Variants in PLXDC2 observed in about 807,000 individuals in gnomAD.
PLXDC2 encodes the protein plexin domain-containing protein 2.
PLXDC2 carries 40 observed loss-of-function variants against 68.9 expected under a neutral mutation model. The observed-to-expected ratio is 0.58, with a 90% CI of 0.45 to 0.76. The LOEUF (loss-of-function observed/expected upper bound fraction) is 0.76. PLXDC2 is among the 30% of genes least tolerant of loss of function. The pLI is 0.00. For missense variants in PLXDC2, 644 were observed against 661.9 expected, an observed-to-expected ratio of 0.97 and a Z score of 0.30; for synonymous variants, 243 against 234.2, an observed-to-expected ratio of 1.04 and a Z score of -0.34.
At chr10:20,064,935 G>T (rs1160998844) in intron 3 of PLXDC2, among the ~76,000 whole-genome samples, 1 of 151,708 alleles carries the variant, frequency 6.6e-6, no homozygotes, top group Non-Finnish European at 1.5e-5. Flanking sequence ...CTTTTGCTCA[G>T]TCCATGGGGA....
chr10:20,070,543 A>C (rs371100355), intron 4 of PLXDC2, among the ~76,000 whole-genome samples: 12 of 152,224 alleles, frequency 7.9e-5, no homozygotes, highest in African/African-American at 2.4e-4. Flanking sequence ...GTATAGTGCC[A>C]GGCATTTAAT....
intron 1 of PLXDC2, among the ~76,000 whole-genome samples, chr10:19,837,544 A>G (rs2131314934): frequency 6.6e-6 from 1 of 152,162 alleles, no homozygotes; most frequent in South Asian, 2.1e-4. Flanking sequence ...ATAATTTTAC[A>G]ATATTTATGG....
At chr10:20,211,249 AAATG>A (rs1039656975) in intron 9 of PLXDC2, among the ~76,000 whole-genome samples, 1 of 152,232 alleles carries the variant, frequency 6.6e-6, no homozygotes, top group Non-Finnish European at 1.5e-5. Flanking sequence ...TGAATGAGTA[AAATG>A]AATGAATGAA....
chr10:20,270,812 G>A (rs531695618), intron 13 of PLXDC2, among the ~76,000 whole-genome samples: 8 of 152,006 alleles, frequency 5.3e-5, no homozygotes, highest in Admixed American at 1.3e-4. Context: ...GTGAGCCATC[G>A]TGCCCTGCCG....
Position 19,977,660 on chromosome 10 carries a change from C to T in PLXDC2, c.113-24115C>T, listed in dbSNP as rs138613716. Among the ~76,000 whole-genome samples the T allele has an allele frequency of 5.0e-3, 753 of 152,114 alleles. 5 individuals carry two copies. The highest frequency in any genetic ancestry group is 0.016 in the African/African-American group (670 of 41,492). ...GCTGGGAAATTCGAGATCCAGGTGC[C>T]AGCAGATTTGATGTCTGGTGAGGAC... On this transcript the variant is annotated intron_variant, in intron 1 of 13. Transcript: ENST00000377252.
intron 3 of PLXDC2, among the ~76,000 whole-genome samples, chr10:20,047,709 T>C (rs781218696): frequency 6.6e-6 from 1 of 152,126 alleles, no homozygotes; most frequent in Non-Finnish European, 1.5e-5. Flanking sequence ...GCCTGAATGC[T>C]CAAATGCATT....
At chr10:19,843,935 T>A (rs2131320173) in intron 1 of PLXDC2, among the ~76,000 whole-genome samples, 1 of 152,306 alleles carries the variant, frequency 6.6e-6, no homozygotes, top group African/African-American at 2.4e-5. Context: ...ACTTGAAGTG[T>A]TCCCAATACA....
At chr10:20,110,272 C>G (rs754547874) in intron 4 of PLXDC2, among the ~76,000 whole-genome samples, 62 of 152,026 alleles carry the variant, frequency 4.1e-4, no homozygotes, top group Non-Finnish European at 1.0e-4. Flanking sequence ...GAATAGAAGG[C>G]CTGCCCTTGC....
At chr10:20,155,707 A>G (rs1367959282) in intron 6 of PLXDC2, among the ~76,000 whole-genome samples, 1 of 152,154 alleles carries the variant, frequency 6.6e-6, no homozygotes, top group Non-Finnish European at 1.5e-5. Context: ...TCTCACATAT[A>G]GAAGTGCCTG....
At chr10:20,036,701 A>G (rs1835584362) in intron 2 of PLXDC2, among the ~76,000 whole-genome samples, 1 of 152,142 alleles carries the variant, frequency 6.6e-6, no homozygotes, top group Non-Finnish European at 1.5e-5. Context: ...AAAAATGAAC[A>G]TGCATTTTAC....
rs571065870 is a variant in PLXDC2, at chr10:20,217,434, G to A, written c.1131G>A (p.Glu377=). ...TTCTTTTCTCTTACTAGTCAAAAGA[G>A]AAGATGTGTGAGAATACAGAACCAG... ...VDSGCPEESK[E]KMCENTEPVE... The change falls in exon 11 of 14, where the codon GAG becomes GAA. Residue 377 remains glutamate (E), a synonymous_variant. Transcript: ENST00000377252. 1.9e-6 allele frequency: 3 copies of A among 1,609,012 alleles called. No individual in the cohort carries two copies. Among genetic ancestry groups the A allele is most frequent in the African/African-American group, 1.3e-5 (1 of 74,694 alleles).
At chr10:20,233,253 C>T (rs571148175) in intron 12 of PLXDC2, among the ~76,000 whole-genome samples, 26 of 151,914 alleles carry the variant, frequency 1.7e-4, no homozygotes, top group South Asian at 4.2e-4. Context: ...TGGCCGGGCA[C>T]GGTGGCTCAC....
chr10:19,855,200 A>G (rs1300959987), intron 1 of PLXDC2, among the ~76,000 whole-genome samples: 1 of 149,188 alleles, frequency 6.7e-6, no homozygotes, highest in Non-Finnish European at 1.5e-5. Context: ...GTATAAATAC[A>G]CAAGTAATTA....
At chr10:20,231,712 A>C (rs2131879080) in intron 12 of PLXDC2, among the ~76,000 whole-genome samples, 1 of 152,186 alleles carries the variant, frequency 6.6e-6, no homozygotes, top group South Asian at 2.1e-4. Context: ...AAAAATTATA[A>C]ACATCAAAAT....
chr10:19,909,598 AT>A (rs776822681), intron 1 of PLXDC2, among the ~76,000 whole-genome samples: 14 of 152,192 alleles, frequency 9.2e-5, no homozygotes, highest in Non-Finnish European at 1.9e-4. Context: ...TCATTCTTGC[AT>A]TCATTTATGT....
At chr10:20,117,033 A>G (rs900428607) in intron 4 of PLXDC2, among the ~76,000 whole-genome samples, 4 of 134,382 alleles carry the variant, frequency 3.0e-5, no homozygotes, top group African/African-American at 1.2e-4. Flanking sequence ...ATTATCACAT[A>G]CTAAATCCCT....
intron 1 of PLXDC2, among the ~76,000 whole-genome samples, chr10:19,876,727 T>C (rs1837639882): frequency 6.6e-6 from 1 of 152,084 alleles, no homozygotes; most frequent in African/African-American, 2.4e-5. Flanking sequence ...TATATCAGTG[T>C]TTTTCAATTT....
At chr10:20,007,081 A>G (rs1008738653) in intron 2 of PLXDC2, among the ~76,000 whole-genome samples, 1 of 152,222 alleles carries the variant, frequency 6.6e-6, no homozygotes, top group African/African-American at 2.4e-5. Flanking sequence ...AAAGGCTTAC[A>G]GGGCTTTCAG....
intron 2 of PLXDC2, among the ~76,000 whole-genome samples, chr10:20,026,114 A>G (rs564492339): frequency 1.3e-5 from 2 of 152,228 alleles, no homozygotes; most frequent in African/African-American, 4.8e-5. Context: ...TGGACTTTTC[A>G]TCTGAGATGC....
Sources: allele counts gnomAD v4.1 joint callset (sites outside exome capture counted in the v4.1 genomes callset), GRCh38; gene constraint gnomAD v4.1.1; transcripts MANE v1.5; gene names NCBI Gene and HGNC (gene_info 2026-07-23, HGNC 2026-07-21).